EBF1: variants seen among roughly 807,000 people sequenced by gnomAD.
EBF1 encodes the protein transcription factor COE1.
A neutral mutation model predicts 68.4 loss-of-function variants in EBF1; 10 were observed. The ratio of observed to expected loss-of-function variants is 0.15; its 90% CI spans 0.09 to 0.25. The LOEUF (loss-of-function observed/expected upper bound fraction) is 0.25, where lower values mean the gene tolerates loss of function less well. EBF1 is among the 10% of genes least tolerant of loss of function. The pLI is 1.00. For missense variants in EBF1, 509 were observed against 794.4 expected, an observed-to-expected ratio of 0.64 and a Z score of 4.32; for synonymous variants, 298 against 299.8, an observed-to-expected ratio of 0.99 and a Z score of 0.06.
chr5:158,763,119 C>T (rs1186774194), intron 10 of EBF1, among the ~76,000 whole-genome samples: 1 of 152,090 alleles, frequency 6.6e-6, no homozygotes, highest in Non-Finnish European at 1.5e-5. Context: ...AGAAGATCAC[C>T]GAATAAAGGC....
chr5:158,949,085 T>G (rs1346150609), intron 6 of EBF1, among the ~76,000 whole-genome samples: 1 of 152,230 alleles, frequency 6.6e-6, no homozygotes, highest in Non-Finnish European at 1.5e-5. Flanking sequence ...ACTAGACATT[T>G]GTGATTTTTG....
At chr5:158,751,934 G>T (rs1447726324) in intron 10 of EBF1, among the ~76,000 whole-genome samples, 1 of 151,856 alleles carries the variant, frequency 6.6e-6, no homozygotes, top group Non-Finnish European at 1.5e-5. Flanking sequence ...GTTTTAGATG[G>T]TTTTTTTATA....
At chr5:159,006,541 A>G (rs915210855) in intron 6 of EBF1, among the ~76,000 whole-genome samples, 3 of 151,668 alleles carry the variant, frequency 2.0e-5, no homozygotes, top group Non-Finnish European at 1.5e-5. Context: ...ATAATCACCA[A>G]ATCACAAAGC....
rs148496343 is a variant in EBF1 at position 158,918,840 on chromosome 5, G to A, written c.555-78730C>T. Among the ~76,000 whole-genome samples, 7 of 152,320 alleles carry A rather than the reference G, an allele frequency of 4.6e-5. No individual in the cohort carries two copies. In the East Asian group the frequency reaches 5.8e-4, roughly 13 times the overall value. On this transcript the variant is annotated intron_variant, in intron 6 of 15. Coordinates refer to ENST00000313708, the MANE Select transcript of EBF1 (RefSeq NM_024007.5). ...AAGTTACTGTCCAATAGGAAGCTCC[G>A]TTCTGGTACAAAGTCAGCCCATGCA...
intron 12 of EBF1, 64 bp downstream of exon 12, chr5:158,714,053 G>A: frequency 6.5e-7 from 1 of 1,535,946 alleles, no homozygotes; most frequent in South Asian, 1.1e-5. Flanking sequence ...TCATTACGAT[G>A]AGGAATCTGA....
chr5:158,973,169 C>A (rs557924053), intron 6 of EBF1, among the ~76,000 whole-genome samples: 1 of 152,230 alleles, frequency 6.6e-6, no homozygotes, highest in African/African-American at 2.4e-5. Flanking sequence ...GATTTTTTCA[C>A]TCTTTTATTT....
intron 7 of EBF1, among the ~76,000 whole-genome samples, chr5:158,825,537 A>G (rs556286119): frequency 6.6e-6 from 1 of 152,052 alleles, no homozygotes; most frequent in East Asian, 1.9e-4. Flanking sequence ...TGTAAGACAC[A>G]AGCTCTACAA....
In EBF1 at chr5:159,097,122, C is replaced by T; in HGVS notation, c.143G>A (p.Gly48Asp). The T allele has an allele frequency of 1.2e-6, 2 of 1,613,600 alleles. No homozygotes were observed. Among genetic ancestry groups the T allele is most frequent in the Non-Finnish European group, 1.7e-6 (2 of 1,179,846 alleles). The change falls in exon 2 of 16, where the codon GGT (glycine) becomes GAT (aspartate). Residue 48 changes from glycine to aspartate, a missense_variant. Physicochemically the swap from Gly to Asp is moderately conservative, Grantham distance 94. Transcript: ENST00000313708. ...DANTAAQSGV[G>D]LARAHFEKQP... ...CTTCTCAAAGTGAGCCCGGGCCAGA[C>T]CCACCCCGCTGCGGCCAAAGACGCA...
intron 6 of EBF1, among the ~76,000 whole-genome samples, chr5:158,929,249 A>G (rs1810345989): frequency 6.6e-6 from 1 of 152,196 alleles, no homozygotes; most frequent in South Asian, 2.1e-4. Context: ...ACAGAGAGTA[A>G]TTCTCTACTA....
intron 6 of EBF1, among the ~76,000 whole-genome samples, chr5:159,062,344 G>C (rs78142439): frequency 6.6e-6 from 1 of 152,134 alleles, no homozygotes; most frequent in African/African-American, 2.4e-5. Flanking sequence ...GTGTCCTAAG[G>C]ACAGAAGGCA....
chr5:158,827,952 G>C (rs1246705231), intron 7 of EBF1, among the ~76,000 whole-genome samples: 1 of 152,032 alleles, frequency 6.6e-6, no homozygotes, highest in Non-Finnish European at 1.5e-5. Context: ...CGTTAATTTT[G>C]AATGATTATT....
At chr5:158,998,994 A>G (rs1761991815) in intron 6 of EBF1, among the ~76,000 whole-genome samples, 1 of 152,262 alleles carries the variant, frequency 6.6e-6, no homozygotes. Flanking sequence ...TGGAAGCTTC[A>G]AAGGTTCAGT....
At chr5:158,941,020 C>A (rs1258334853) in intron 6 of EBF1, among the ~76,000 whole-genome samples, 1 of 152,038 alleles carries the variant, frequency 6.6e-6, no homozygotes, top group Non-Finnish European at 1.5e-5. Context: ...ATGTCAACCA[C>A]CTTGAAGATC....
At chr5:159,063,907 A>T (rs1421998107) in intron 6 of EBF1, among the ~76,000 whole-genome samples, 2 of 152,192 alleles carry the variant, frequency 1.3e-5, no homozygotes, top group Non-Finnish European at 2.9e-5. Flanking sequence ...CATTTTGAAG[A>T]TGAGAAAACT....
intron 6 of EBF1, among the ~76,000 whole-genome samples, chr5:158,853,801 T>C (rs989611045): frequency 6.6e-6 from 1 of 152,210 alleles, no homozygotes; most frequent in Admixed American, 6.5e-5. Flanking sequence ...TATATATTTT[T>C]TATTTCACAT....
chr5:158,879,106 C>T (rs939394342), intron 6 of EBF1, among the ~76,000 whole-genome samples: 1 of 152,186 alleles, frequency 6.6e-6, no homozygotes. Context: ...TTCCTGCCAT[C>T]CACTCTGCCT....
intron 9 of EBF1, among the ~76,000 whole-genome samples, chr5:158,783,151 C>T (rs939510950): frequency 1.3e-5 from 2 of 152,184 alleles, no homozygotes; most frequent in African/African-American, 2.4e-5. Flanking sequence ...TCTGCCTCTT[C>T]CTCCTATGTG....
chr5:158,772,494 T>C (rs1024422779), intron 10 of EBF1, among the ~76,000 whole-genome samples: 3 of 152,184 alleles, frequency 2.0e-5, no homozygotes, highest in African/African-American at 7.2e-5. Flanking sequence ...CAGAGAACTT[T>C]ACAAATCAGG....
intron 6 of EBF1, among the ~76,000 whole-genome samples, chr5:159,021,579 C>T (rs978586845): frequency 3.9e-5 from 6 of 152,188 alleles, no homozygotes; most frequent in Non-Finnish European, 7.3e-5. Context: ...AGCACACGTG[C>T]GTGTGTATAT....
Sources: gnomAD v4.1 joint callset for allele counts (sites outside exome capture counted in the v4.1 genomes callset) on GRCh38, gnomAD v4.1.1 for gene constraint, MANE v1.5 for transcripts, NCBI Gene and HGNC (gene_info 2026-07-23, HGNC 2026-07-21) for gene names.